The following RBFOX1 variants were observed in gnomAD, a reference collection of about 807,000 sequenced individuals.
RBFOX1 encodes the protein RNA binding protein fox-1 homolog 1.
RBFOX1 carries 8 observed loss-of-function variants against 57.7 expected under a neutral mutation model. The ratio of observed to expected loss-of-function variants is 0.14; its 90% CI spans 0.08 to 0.25. The LOEUF is 0.25. RBFOX1 is among the 10% of genes least tolerant of loss of function. The pLI is 1.00. For missense variants in RBFOX1, 611 were observed against 548.5 expected, an observed-to-expected ratio of 1.11 and a Z score of -1.14; for synonymous variants, 326 against 222.4, an observed-to-expected ratio of 1.47 and a Z score of -4.15.
At chr16:5,541,904 T>C (rs1438475625) in intron 2 of RBFOX1, among the ~76,000 whole-genome samples, 1 of 152,224 alleles carries the variant, frequency 6.6e-6, no homozygotes, top group East Asian at 1.9e-4. Context: ...TCAAATTTTA[T>C]TTCAGTAGTT....
intron 1 of RBFOX1, among the ~76,000 whole-genome samples, chr16:5,276,372 A>G (rs1354786871): frequency 6.6e-6 from 1 of 152,238 alleles, no homozygotes; most frequent in Non-Finnish European, 1.5e-5. Context: ...AAGGACATGA[A>G]TAGGCAGTTC....
intron 4 of RBFOX1, among the ~76,000 whole-genome samples, chr16:7,402,478 G>T (rs543077875): frequency 5.3e-5 from 8 of 152,300 alleles, no homozygotes; most frequent in Admixed American, 5.2e-4. Context: ...GAGAATTTCT[G>T]CCGAGAGATA....
At chr16:5,833,623 G>T (rs1380872123) in intron 3 of RBFOX1, among the ~76,000 whole-genome samples, 1 of 151,990 alleles carries the variant, frequency 6.6e-6, no homozygotes, top group Admixed American at 6.6e-5. Flanking sequence ...GACACTTTTA[G>T]AGGGTCTCCT....
chr16:5,710,948 A>T (rs564059280), intron 3 of RBFOX1, among the ~76,000 whole-genome samples: 1 of 152,226 alleles, frequency 6.6e-6, no homozygotes, highest in African/African-American at 2.4e-5. Flanking sequence ...TCCTTCACCT[A>T]TTAAAAACAT....
At chr16:6,881,012 C>G (rs191826946) in intron 3 of RBFOX1, among the ~76,000 whole-genome samples, 1 of 152,144 alleles carries the variant, frequency 6.6e-6, no homozygotes, top group Non-Finnish European at 1.5e-5. Flanking sequence ...CTGAAAAATA[C>G]GTGGCCCATA....
intron 1 of RBFOX1, among the ~76,000 whole-genome samples, chr16:6,027,264 C>G (rs2095214169): frequency 6.6e-6 from 1 of 152,136 alleles, no homozygotes; most frequent in Non-Finnish European, 1.5e-5. Flanking sequence ...CTTTATTATA[C>G]CACTTGACAG....
At chr16:6,100,997 C>T (rs544764139) in intron 1 of RBFOX1, among the ~76,000 whole-genome samples, 5 of 152,266 alleles carry the variant, frequency 3.3e-5, no homozygotes, top group Non-Finnish European at 5.9e-5. Context: ...TCTAAAGGTA[C>T]AGGTTCCTCC....
At chr16:5,574,930 A>G (rs1469984542) in intron 2 of RBFOX1, among the ~76,000 whole-genome samples, 1 of 152,176 alleles carries the variant, frequency 6.6e-6, no homozygotes, top group Admixed American at 6.5e-5. Flanking sequence ...TGAGCTTTTC[A>G]TACCCTGCAG....
At chr16:5,756,266 C>T (rs2053393612) in intron 3 of RBFOX1, among the ~76,000 whole-genome samples, 1 of 146,344 alleles carries the variant, frequency 6.8e-6, no homozygotes, top group Non-Finnish European at 1.5e-5. Context: ...CCACCTCCTG[C>T]AGTGTATGGA....
intron 3 of RBFOX1, among the ~76,000 whole-genome samples, chr16:5,747,591 T>C (rs932559580): frequency 2.0e-5 from 3 of 152,188 alleles, no homozygotes; most frequent in Admixed American, 6.5e-5. Flanking sequence ...ATTCAACTTA[T>C]ACCTGGTTTA....
At chr16:6,497,693 A>G (rs1465775270) in intron 2 of RBFOX1, among the ~76,000 whole-genome samples, 1 of 151,960 alleles carries the variant, frequency 6.6e-6, no homozygotes, top group Non-Finnish European at 1.5e-5. Flanking sequence ...AGTAGCTGAG[A>G]TTACAGGCAG....
intron 5 of RBFOX1, chr16:7,519,872 C>T (rs1600721152): frequency 7.7e-6 from 3 of 389,584 alleles, no homozygotes; most frequent in Non-Finnish European, 1.0e-5. Flanking sequence ...CTAGTTTTGA[C>T]GTTTTGTTTT....
At chr16:7,437,267 G>A (rs1054520829) in intron 4 of RBFOX1, among the ~76,000 whole-genome samples, 2 of 146,822 alleles carry the variant, frequency 1.4e-5, no homozygotes, top group Admixed American at 6.9e-5. Context: ...CCCCCTTTCT[G>A]TTATATTAAA....
intron 3 of RBFOX1, among the ~76,000 whole-genome samples, chr16:7,038,075 C>G (rs552900754): frequency 6.6e-6 from 1 of 151,164 alleles, no homozygotes; most frequent in Non-Finnish European, 1.5e-5. Context: ...TGTAAATCCC[C>G]CACTTGCCCT....
intron 2 of RBFOX1, among the ~76,000 whole-genome samples, chr16:6,465,593 T>C (rs1207257989): frequency 7.3e-6 from 1 of 136,168 alleles, no homozygotes; most frequent in Admixed American, 8.4e-5. Context: ...TATAGATGTA[T>C]AGGGCTGTGT....
intron 3 of RBFOX1, among the ~76,000 whole-genome samples, chr16:6,928,910 G>T (rs1346632304): frequency 6.6e-6 from 1 of 152,118 alleles, no homozygotes. Context: ...TAGAGCATCA[G>T]TTGTCAGATA....
chr16:5,519,472 C>G (rs1236651265), intron 2 of RBFOX1, among the ~76,000 whole-genome samples: 1 of 152,106 alleles, frequency 6.6e-6, no homozygotes, highest in Non-Finnish European at 1.5e-5. Context: ...GCCTGTAATC[C>G]CAGTGCTCTG....
intron 2 of RBFOX1, among the ~76,000 whole-genome samples, chr16:6,588,992 CTA>C (rs772602322): frequency 6.6e-6 from 1 of 152,178 alleles, no homozygotes; most frequent in African/African-American, 2.4e-5. Flanking sequence ...TACTACCTAA[CTA>C]TCCTTTTTTC....
chr16:7,052,236 C>T lies in RBFOX1; in HGVS notation c.27+138C>T, dbSNP rs2050331450. ...CTGGTAGAGTTGAAAATATTTATCCCAGCTTATTTAGTATTGATTGAGCTG... is the reference window on the plus strand; with the variant it reads ...CTGGTAGAGTTGAAAATATTTATCCTAGCTTATTTAGTATTGATTGAGCTG... On this transcript the variant is annotated intron_variant, in intron 4 of 15. Transcript: ENST00000550418. 3 of 1,340,284 alleles carry T rather than the reference C, an allele frequency of 2.2e-6. No homozygotes were observed. In the African/African-American group the frequency reaches 4.4e-5, roughly 20 times the overall value. The allele number at this position is 1,340,284 out of a possible 1,614,324, so 83.0% of individuals were successfully genotyped here. A position where few individuals can be genotyped will look rare whatever the true frequency, so the allele number is the denominator to read the frequency against.
Sources: gnomAD v4.1 joint callset for allele counts (sites outside exome capture counted in the v4.1 genomes callset) on GRCh38, gnomAD v4.1.1 for gene constraint, MANE v1.5 for transcripts, NCBI Gene and HGNC (gene_info 2026-07-23, HGNC 2026-07-21) for gene names.